The following IFT43 variants were observed in gnomAD, a reference collection of about 807,000 sequenced individuals.
The protein encoded by IFT43 is intraflagellar transport 43, also known as intraflagellar transport protein 43 homolog.
A neutral mutation model predicts 32.3 loss-of-function variants in IFT43; 33 were observed. The observed-to-expected ratio is 1.02, with a 90% CI of 0.77 to 1.37. The LOEUF is 1.37. Among genes scored for constraint, IFT43 ranks in the 40% most tolerant of loss-of-function variants. The pLI is 0.00. For synonymous variants in IFT43, 93 were observed against 98.2 expected (o/e 0.95, Z 0.31); for missense variants, 274 against 265.9 (o/e 1.03, Z -0.21).
intron 3 of IFT43, among the ~76,000 whole-genome samples, chr14:76,034,197 T>C (rs1215070665): frequency 1.3e-5 from 2 of 152,220 alleles, no homozygotes; most frequent in Non-Finnish European, 2.9e-5. Context: ...CAAACCTTTA[T>C]TTCTCATGAT....
intron 2 of IFT43, among the ~76,000 whole-genome samples, chr14:75,995,057 A>G (rs1340595057): frequency 6.6e-5 from 10 of 152,192 alleles, no homozygotes; most frequent in Non-Finnish European, 1.3e-4. Flanking sequence ...TTACATTGCA[A>G]CAGTTGCTAG....
At chr14:76,078,194 G>A (rs76627846) in intron 5 of IFT43, among the ~76,000 whole-genome samples, 1,626 of 152,302 alleles carry the variant, frequency 0.011, 25 homozygotes, top group African/African-American at 0.037. Flanking sequence ...TGAAAAAATC[G>A]TTAACAGTGA....
At chr14:76,062,366 G>C (rs557787238) in intron 5 of IFT43, among the ~76,000 whole-genome samples, 1 of 151,766 alleles carries the variant, frequency 6.6e-6, no homozygotes, top group African/African-American at 2.4e-5. Flanking sequence ...CACCGCGCCC[G>C]GCCTGTTTTT....
At chr14:75,990,725 C>T (rs2035621716) in intron 2 of IFT43, among the ~76,000 whole-genome samples, 1 of 152,132 alleles carries the variant, frequency 6.6e-6, no homozygotes, top group Non-Finnish European at 1.5e-5. Flanking sequence ...CCAGACCCAA[C>T]CCTGGATCTC....
chr14:76,014,738 T>C (rs936582842), intron 2 of IFT43, among the ~76,000 whole-genome samples: 1 of 152,212 alleles, frequency 6.6e-6, no homozygotes, highest in Non-Finnish European at 1.5e-5. Flanking sequence ...GCCTTATGCA[T>C]GCTTATCAGA....
At chr14:76,014,999 C>T (rs765405783) in intron 2 of IFT43, among the ~76,000 whole-genome samples, 1 of 152,206 alleles carries the variant, frequency 6.6e-6, no homozygotes, top group South Asian at 2.1e-4. Flanking sequence ...CTGAACTCTG[C>T]GTGTTCTTGG....
intron 2 of IFT43, among the ~76,000 whole-genome samples, chr14:76,001,932 A>G (rs1436491518): frequency 3.3e-5 from 5 of 152,210 alleles, no homozygotes; most frequent in African/African-American, 4.8e-5. Context: ...AGAAGCTCTC[A>G]TGGCTTAACC....
intron 3 of IFT43, among the ~76,000 whole-genome samples, chr14:76,044,729 T>C (rs908691183): frequency 6.6e-6 from 1 of 151,968 alleles, no homozygotes; most frequent in African/African-American, 2.4e-5. Flanking sequence ...ATTCCAAGGG[T>C]TTTAGGAGCT....
At chr14:76,083,983 GC>G (rs2037563732), downstream of IFT43, 1 of 459,134 alleles carries the variant, frequency 2.2e-6, no homozygotes, top group African/African-American at 2.0e-5. Context: ...GGTGCTCTGG[GC>G]CCTTTGTGAC....
At chr14:76,081,038 C>T (rs1381543125) in intron 5 of IFT43, among the ~76,000 whole-genome samples, 1 of 152,100 alleles carries the variant, frequency 6.6e-6, no homozygotes. Context: ...TTCTCTGTGT[C>T]TGTCTCTCCT....
chr14:76,019,894 A>T (rs1376756510), intron 2 of IFT43, among the ~76,000 whole-genome samples: 4 of 149,844 alleles, frequency 2.7e-5, no homozygotes, highest in Non-Finnish European at 4.4e-5. Flanking sequence ...CAGTTCCAGG[A>T]TTTCTATTTG....
chr14:75,998,588 A>G (rs1292988230), intron 2 of IFT43, among the ~76,000 whole-genome samples: 3 of 152,218 alleles, frequency 2.0e-5, no homozygotes, highest in Non-Finnish European at 4.4e-5. Flanking sequence ...GGTGTCCAGA[A>G]GCCAAGATAA....
chr14:76,025,610 CAT>C (rs2036376664), intron 3 of IFT43, among the ~76,000 whole-genome samples: 1 of 152,066 alleles, frequency 6.6e-6, no homozygotes, highest in Non-Finnish European at 1.5e-5. Context: ...AAAAGAGACA[CAT>C]AGACCAATAG....
chr14:75,995,764 A>T (rs765411991), intron 2 of IFT43, among the ~76,000 whole-genome samples: 1 of 152,164 alleles, frequency 6.6e-6, no homozygotes, highest in African/African-American at 2.4e-5. Context: ...CCGCTCTCCA[A>T]TCGGCTGGGT....
intron 3 of IFT43, among the ~76,000 whole-genome samples, chr14:76,048,562 G>A (rs1466860946): frequency 6.6e-6 from 1 of 152,176 alleles, no homozygotes; most frequent in African/African-American, 2.4e-5. Flanking sequence ...GTACCCAACA[G>A]CAATTTTAAT....
At chr14:76,078,815 G>A (rs1476903833) in intron 5 of IFT43, among the ~76,000 whole-genome samples, 2 of 152,160 alleles carry the variant, frequency 1.3e-5, no homozygotes, top group East Asian at 1.9e-4. Flanking sequence ...TCCCCTCCTC[G>A]GGCTTTTCAA....
At chr14:75,999,261 ATATATATATATG>A (rs1376480196) in intron 2 of IFT43, among the ~76,000 whole-genome samples, 32 of 23,356 alleles carry the variant, frequency 1.4e-3, no homozygotes, top group African/African-American at 2.7e-3. Context: ...ATATATATAT[ATATATATATATG>A]TATATATATT....
intron 5 of IFT43, among the ~76,000 whole-genome samples, chr14:76,066,948 A>G (rs927774775): frequency 3.3e-5 from 5 of 152,206 alleles, no homozygotes; most frequent in Admixed American, 6.5e-5. Context: ...TTTTCATCCA[A>G]CGCCTCCTGA....
chr14:76,013,380 C>T (rs1034868948), intron 2 of IFT43, among the ~76,000 whole-genome samples: 6 of 152,192 alleles, frequency 3.9e-5, no homozygotes, highest in African/African-American at 1.2e-4. Context: ...AGGGCGTTCG[C>T]ACCCCCATAG....
Sources: allele counts gnomAD v4.1 joint callset (sites outside exome capture counted in the v4.1 genomes callset), GRCh38; gene constraint gnomAD v4.1.1; transcripts MANE v1.5; gene names NCBI Gene and HGNC (gene_info 2026-07-23, HGNC 2026-07-21).